The following GYS1 variants were observed in gnomAD, a reference collection of about 807,000 sequenced individuals.
GYS1 encodes the protein glycogen [starch] synthase, muscle.
Under a neutral mutation model 89.1 loss-of-function variants are expected in GYS1, and 60 were observed. That is an observed-to-expected ratio of 0.67 (90% confidence interval 0.55 to 0.84). GYS1 has a LOEUF of 0.84. Ranked by LOEUF, GYS1 falls within the 40% of genes least tolerant of loss-of-function variation. The pLI, the probability that GYS1 is intolerant of heterozygous loss-of-function variation, is 0.00. For synonymous variants in GYS1, 366 were observed against 401.7 expected (o/e 0.91, Z 1.06); for missense variants, 888 against 1,003.1 (o/e 0.89, Z 1.55).
At position 48,987,330 on chromosome 19, in the gene GYS1, AC is replaced by A; in HGVS notation, c.355del (p.Val119TrpfsTer39). Reference protein sequence around the residue: ...EGGPLVVLLDVGASAWALERW... With the variant: ...EGGPLVVLLDXGASAWALERW... ...CTCCAGGGCCCAAGCTGAGGCACCC[AC>A]GTCCAGGAGCACCACCAGAGGGCCT... On this transcript the variant is annotated frameshift_variant, in exon 3 of 16. Coordinates refer to ENST00000323798, the MANE Select transcript of GYS1 (RefSeq NM_002103.5). LOFTEE classifies it high-confidence loss of function. 6.2e-7 allele frequency: 1 copy of A among 1,612,258 alleles called. No homozygotes were observed.
Position 48,969,206 on chromosome 19 carries a change from C to T in GYS1, c.*82G>A, listed in dbSNP as rs1227081998. 9 of 1,273,740 alleles carry T rather than the reference C, an allele frequency of 7.1e-6. No individual in the cohort carries two copies. The highest frequency in any genetic ancestry group is 2.1e-5 in the Admixed American group (1 of 46,996). 78.9% of individuals were successfully genotyped at this position (1,273,740 alleles called of 1,614,324 possible). A position where few individuals can be genotyped will look rare whatever the true frequency, so the allele number is the denominator to read the frequency against. ...GGCCACACCCAGTGCAGATCTGGAGCGGGGGTTTAGGAGCAGCACCCCTCT... is the reference window on the plus strand; with the variant it reads ...GGCCACACCCAGTGCAGATCTGGAGTGGGGGTTTAGGAGCAGCACCCCTCT... On this transcript the variant is annotated 3_prime_UTR_variant, in exon 16 of 16. Coordinates refer to ENST00000323798, the MANE Select transcript of GYS1 (RefSeq NM_002103.5).
rs1474230732 is a variant in GYS1, at chr19:48,968,869, G to C, written c.*419C>G. ...GACACCACGTGGTTTCCAGAACTTG[G>C]TGGCCCGCATGCCGGGCCTGAGCGT... On this transcript the variant is annotated 3_prime_UTR_variant, in exon 16 of 16. Transcript: ENST00000323798. 4 of 466,378 alleles carry C rather than the reference G, an allele frequency of 8.6e-6. No homozygotes were observed. The highest frequency in any genetic ancestry group is 1.7e-5 in the Non-Finnish European group (4 of 235,646). The allele number at this position is 466,378 out of a possible 1,614,324, so 28.9% of individuals were successfully genotyped here.
chr19:48,989,461 G>A (rs1278482400), intron 2 of GYS1, among the ~76,000 whole-genome samples: 1 of 140,924 alleles, frequency 7.1e-6, no homozygotes, highest in Non-Finnish European at 1.5e-5. Flanking sequence ...CAGACTCAGC[G>A]ACAGAGTGAG....
chr19:48,993,064 C>G lies in GYS1; in HGVS notation c.49G>C (p.Asp17His), dbSNP rs1054853545. The change falls in exon 1 of 16, where the codon GAC becomes CAC. Residue 17 changes from aspartate to histidine, a missense_variant. Transcript: ENST00000323798. Reference protein sequence around the residue: ...LSMSSLPGLEDWEDEFDLENA... With the variant: ...LSMSSLPGLEHWEDEFDLENA... ...TCCAGGTCGAATTCATCCTCCCAGT[C>G]CTCCAGTCCTGGCAGTGAGGACATG... The G allele has an allele frequency of 1.9e-6, 3 of 1,613,384 alleles. No homozygotes were observed. The African/African-American group carries it at 4.0e-5, about 22-fold the overall frequency.
At position 48,969,297 on chromosome 19, in the gene GYS1, C is replaced by T; in HGVS notation, c.2205G>A (p.Glu735=). The T allele has an allele frequency of 1.3e-6, 2 of 1,557,170 alleles. No individual in the cohort carries two copies. The highest frequency in any genetic ancestry group is 1.2e-5 in the South Asian group (1 of 85,768). ...GTGTGGTGGGGCGGACTTAGTTACG[C>T]TCCTCGCCCAGGGAGCTGGTGGGGC... ...PLSPTSSLGE[E]RN The change falls in exon 16 of 16, where the codon GAG becomes GAA. Residue 735 remains glutamate (E), a synonymous_variant. Coordinates refer to ENST00000323798, the MANE Select transcript of GYS1 (RefSeq NM_002103.5).
chr19:48,972,100 G>C (rs1190482616), intron 12 of GYS1, among the ~76,000 whole-genome samples: 4 of 151,508 alleles, frequency 2.6e-5, no homozygotes, highest in Admixed American at 2.0e-4. Context: ...GGAGGCCAAG[G>C]CGGGTGGATC....
chr19:48,978,303 G>T, intron 8 of GYS1, 146 bp from the exon 9 acceptor site: 2 of 713,922 alleles, frequency 2.8e-6, no homozygotes, highest in Non-Finnish European at 5.0e-6. Flanking sequence ...TCGGCTCACT[G>T]CAACCTCTGC....
At chr19:48,978,597 T>C (rs1015382668) in intron 8 of GYS1, among the ~76,000 whole-genome samples, 21 of 150,862 alleles carry the variant, frequency 1.4e-4, no homozygotes, top group Non-Finnish European at 2.7e-4. Flanking sequence ...AGTGGTGCGA[T>C]CTTGGCTCAC....
At chr19:48,980,184 G>A (rs1371184394) in intron 8 of GYS1, among the ~76,000 whole-genome samples, 2 of 152,118 alleles carry the variant, frequency 1.3e-5, no homozygotes, top group African/African-American at 4.8e-5. Flanking sequence ...GGGCCTTCGA[G>A]TTTGCTGTTC....
Position 48,974,241 on chromosome 19 carries a change from G to A in GYS1, c.1521C>T (p.Ser507=), listed in dbSNP as rs2038610011. The part of the protein sequence containing the change: ...VRGCHLGVFP[S]YYEPWGYTPA... ...GTGTGTAGCCCCAAGGCTCATAGTAGGAGGGGAAGACTCCAAGGTGACAGC... is the reference window on the plus strand; with the variant it reads ...GTGTGTAGCCCCAAGGCTCATAGTAAGAGGGGAAGACTCCAAGGTGACAGC... The change falls in exon 12 of 16, where the codon TCC becomes TCT. Residue 507 remains serine (S), a synonymous_variant. Coordinates refer to ENST00000323798, the MANE Select transcript of GYS1 (RefSeq NM_002103.5). 3 of 1,611,222 alleles carry A rather than the reference G, an allele frequency of 1.9e-6. No individual in the cohort carries two copies. The highest frequency in any genetic ancestry group is 1.1e-5 in the South Asian group (1 of 90,346).
Position 48,969,618 on chromosome 19 carries a change from A to C in GYS1, c.1891-7T>G. The C allele has an allele frequency of 1.3e-6, 2 of 1,544,342 alleles. No homozygotes were observed. The highest frequency in any genetic ancestry group is 1.7e-6 in the Non-Finnish European group (2 of 1,150,348). On this transcript the variant is annotated splice_region_variant and splice_polypyrimidine_tract_variant and intron_variant, in intron 15 of 15. Transcript: ENST00000323798. ...GGTAGCGGTACCCCTGGGCCTGCATACGGCGATGTGGGTGCAAACCAGGGT... is the reference window on the plus strand; with the variant it reads ...GGTAGCGGTACCCCTGGGCCTGCATCCGGCGATGTGGGTGCAAACCAGGGT...
Position 48,974,914 on chromosome 19 carries a change from CTTTCT to C in GYS1, c.1309-186_1309-182del, listed in dbSNP as rs141010358. 0.36 allele frequency among the ~76,000 whole-genome samples: 54,361 copies of C among 151,488 alleles called. 9,800 individuals carry two copies. Among genetic ancestry groups the C allele is most frequent in the East Asian group, 0.48 (2,476 of 5,108 alleles). ...CACTAGTACAACCTGTAAAGGTTTT[CTTTCT>C]TTTCTTTTAAATTATTATTATTTAT... is the stretch of plus-strand genomic sequence containing the variant. On this transcript the variant is annotated intron_variant, in intron 10 of 15. Transcript: ENST00000323798.
intron 15 of GYS1, 62 bp from the exon 16 acceptor site, chr19:48,969,673 C>A: frequency 6.4e-7 from 1 of 1,573,276 alleles, no homozygotes; most frequent in South Asian, 1.1e-5. Flanking sequence ...CCCACCCAGG[C>A]ATCCAGCCAC....
intron 2 of GYS1, among the ~76,000 whole-genome samples, chr19:48,988,048 C>T (rs1315080367): frequency 1.3e-5 from 2 of 152,296 alleles, no homozygotes; most frequent in South Asian, 2.1e-4. Context: ...GTGATCCGCC[C>T]GCCTCGGCGT....
chr19:48,979,140 C>T (rs1460752104), intron 8 of GYS1, among the ~76,000 whole-genome samples: 2 of 152,028 alleles, frequency 1.3e-5, no homozygotes, highest in Admixed American at 6.6e-5. Flanking sequence ...AGGACTTGTA[C>T]TTGTCCTGCA....
chr19:48,969,236 CCT>C lies in GYS1; in HGVS notation c.*50_*51del. On this transcript the variant is annotated 3_prime_UTR_variant, in exon 16 of 16. Coordinates refer to ENST00000323798, the MANE Select transcript of GYS1 (RefSeq NM_002103.5). ...GTTTAGGAGCAGCACCCCTCTGCAT[CCT>C]CTCTCTGGAGCAGAGAGGCAGGACA... 6.8e-7 allele frequency: 1 copy of C among 1,465,552 alleles called. No individual in the cohort carries two copies. The highest frequency in any genetic ancestry group is 9.2e-7 in the Non-Finnish European group (1 of 1,090,590). 90.8% of individuals were successfully genotyped at this position (1,465,552 alleles called of 1,614,324 possible). A position where few individuals can be genotyped will look rare whatever the true frequency, so the allele number is the denominator to read the frequency against.
chr19:48,979,493 C>T (rs544934634), intron 8 of GYS1, among the ~76,000 whole-genome samples: 126 of 150,942 alleles, frequency 8.3e-4, no homozygotes, highest in African/African-American at 2.9e-3. Flanking sequence ...TGCGCCACCA[C>T]ATCTGGCTAA....
intron 2 of GYS1, among the ~76,000 whole-genome samples, chr19:48,990,869 A>G (rs2038915039): frequency 6.6e-6 from 1 of 152,130 alleles, no homozygotes; most frequent in Non-Finnish European, 1.5e-5. Context: ...ATCGCAGCTC[A>G]CTGCAACCTC....
chr19:48,978,143 G>A lies in GYS1; in HGVS notation c.1184C>T (p.Thr395Met), dbSNP rs748765779. ...VRKQLWDTAN[T>M]VKEKFGRKLY... is the part of the protein sequence containing the mutation. ...CTTCCTCCCGAACTTTTCCTTCACC[G>A]TGTTGGCCGTGTCCCTGGAGGAAGC... Residue 395 changes from threonine (T) to methionine (M), a missense_variant, in exon 9 of 16, where the codon ACG (threonine) becomes ATG (methionine). Physicochemically the swap from Thr to Met is moderately conservative, Grantham distance 81 (BLOSUM62 -1). Transcript: ENST00000323798. The A allele has an allele frequency of 2.7e-5, 44 of 1,613,690 alleles. No homozygotes were observed. Among genetic ancestry groups the A allele is most frequent in the Admixed American group, 3.3e-5 (2 of 59,982 alleles).
Sources: gnomAD v4.1 joint callset for allele counts (sites outside exome capture counted in the v4.1 genomes callset) on GRCh38, gnomAD v4.1.1 for gene constraint, MANE v1.5 for transcripts, NCBI Gene and HGNC (gene_info 2026-07-23, HGNC 2026-07-21) for gene names.